Variants in TNR observed in about 807,000 individuals in gnomAD.
TNR encodes the protein tenascin R, also known as tenascin-R.
A neutral mutation model predicts 150.4 loss-of-function variants in TNR; 45 were observed. The observed-to-expected ratio is 0.30, with a 90% confidence interval of 0.24 to 0.38. TNR has a LOEUF of 0.38. Ranked by LOEUF, TNR falls within the 10% of genes least tolerant of loss-of-function variation. TNR has a pLI of 1.00. For missense variants in TNR, 1,544 were observed against 1,759.1 expected, an observed-to-expected ratio of 0.88 and a Z score of 2.19; for synonymous variants, 687 against 678.4, an observed-to-expected ratio of 1.01 and a Z score of -0.20.
chr1:175,702,277 A>G (rs2101927943), intron 1 of TNR, among the ~76,000 whole-genome samples: 1 of 152,298 alleles, frequency 6.6e-6, no homozygotes, highest in Middle Eastern at 3.4e-3. Flanking sequence ...GCAGCTTCTC[A>G]GCTCTGCCCC....
chr1:175,510,522 C>T (rs1242694286), intron 2 of TNR, among the ~76,000 whole-genome samples: 1 of 152,148 alleles, frequency 6.6e-6, no homozygotes, highest in African/African-American at 2.4e-5. Context: ...TATCCCTCTT[C>T]CAGGATGGAG....
At chr1:175,562,073 T>C (rs1471484874) in intron 1 of TNR, among the ~76,000 whole-genome samples, 1 of 152,188 alleles carries the variant, frequency 6.6e-6, no homozygotes, top group East Asian at 1.9e-4. Flanking sequence ...CTTAATATAT[T>C]GTAAATCTCC....
At chr1:175,470,285 A>C (rs1004853432) in intron 2 of TNR, among the ~76,000 whole-genome samples, 2 of 152,130 alleles carry the variant, frequency 1.3e-5, no homozygotes, top group Non-Finnish European at 1.5e-5. Context: ...TAAAGTGAAA[A>C]GAAAAGAAGG....
intron 9 of TNR, among the ~76,000 whole-genome samples, chr1:175,378,946 G>A (rs1341307783): frequency 6.6e-6 from 1 of 152,208 alleles, no homozygotes; most frequent in East Asian, 1.9e-4. Flanking sequence ...TTGAGAAGCC[G>A]AGGTGGGCGG....
chr1:175,323,912 T>C (rs1321315085), intron 22 of TNR, among the ~76,000 whole-genome samples: 2 of 152,208 alleles, frequency 1.3e-5, no homozygotes, highest in Non-Finnish European at 2.9e-5. Context: ...TGATGTGGGC[T>C]GTTTCAGTGT....
At chr1:175,424,032 T>C (rs1225047484) in intron 2 of TNR, among the ~76,000 whole-genome samples, 1 of 152,258 alleles carries the variant, frequency 6.6e-6, no homozygotes, top group Admixed American at 6.5e-5. Context: ...AGAAAATCTA[T>C]ACATATTTAT....
At chr1:175,685,770 T>G (rs1194107098) in intron 1 of TNR, among the ~76,000 whole-genome samples, 1 of 152,136 alleles carries the variant, frequency 6.6e-6, no homozygotes, top group Non-Finnish European at 1.5e-5. Flanking sequence ...AACATCTCCC[T>G]CTGCAAAATC....
intron 1 of TNR, among the ~76,000 whole-genome samples, chr1:175,654,719 C>CTTTTTTTTTTTT (rs36087120): frequency 5.4e-5 from 4 of 74,730 alleles, no homozygotes; most frequent in Non-Finnish European, 7.3e-5. Context: ...AAGTTCCCTT[C>CTTTTTTTTTTTT]TTTTTTTTTT....
chr1:175,601,374 G>A (rs1663229245), intron 1 of TNR, among the ~76,000 whole-genome samples: 2 of 152,186 alleles, frequency 1.3e-5, no homozygotes, highest in South Asian at 4.1e-4. Flanking sequence ...ATATATGTTT[G>A]CATGTCTTTG....
At chr1:175,457,960 T>C (rs1656638062) in intron 2 of TNR, among the ~76,000 whole-genome samples, 1 of 152,232 alleles carries the variant, frequency 6.6e-6, no homozygotes, top group Admixed American at 6.5e-5. Context: ...TCTGTCTGAA[T>C]AGAAAGTGAG....
intron 2 of TNR, among the ~76,000 whole-genome samples, chr1:175,445,143 A>G (rs1436637357): frequency 6.6e-6 from 1 of 152,090 alleles, no homozygotes; most frequent in Non-Finnish European, 1.5e-5. Context: ...GGTGGCAGGC[A>G]CCTGTAGTCC....
chr1:175,458,731 C>T (rs1306261902), intron 2 of TNR, among the ~76,000 whole-genome samples: 1 of 152,220 alleles, frequency 6.6e-6, no homozygotes, highest in Non-Finnish European at 1.5e-5. Flanking sequence ...AACAGTTTTA[C>T]AGAGGTCTGA....
In TNR at chr1:175,315,737, T is replaced by G. The variant is rs1044304662; in HGVS notation, c.*7620A>C. ...GCATCCCCATGGGCCTGGGGAGTAT[T>G]CGAGGTTGGAATCATTAGATGTGTG... On this transcript the variant is annotated 3_prime_UTR_variant, in exon 23 of 23. Coordinates refer to ENST00000367674, the MANE Select transcript of TNR (RefSeq NM_003285.3). 1 of 152,318 alleles carries G rather than the reference T, an allele frequency of 6.6e-6. No individual in the cohort carries two copies. Among genetic ancestry groups the G allele is most frequent in the Non-Finnish European group, 1.5e-5 (1 of 68,110 alleles). 9.4% of individuals were successfully genotyped at this position (152,318 alleles called of 1,614,324 possible).
At chr1:175,381,482 T>C (rs1180353590) in intron 8 of TNR, among the ~76,000 whole-genome samples, 1 of 152,188 alleles carries the variant, frequency 6.6e-6, no homozygotes, top group Non-Finnish European at 1.5e-5. Flanking sequence ...ATACCTCCAA[T>C]GTCAATGATC....
chr1:175,451,143 C>T (rs1418379434), intron 2 of TNR, among the ~76,000 whole-genome samples: 1 of 151,702 alleles, frequency 6.6e-6, no homozygotes, highest in Non-Finnish European at 1.5e-5. Context: ...AATTGCCTGC[C>T]TTTGCACTTG....
chr1:175,655,392 T>C (rs144401268), intron 1 of TNR, among the ~76,000 whole-genome samples: 48 of 152,340 alleles, frequency 3.2e-4, no homozygotes, highest in Non-Finnish European at 6.0e-4. Context: ...AATAAGCCTA[T>C]AGGCAGGCAG....
At chr1:175,639,430 G>A (rs1214592294) in intron 1 of TNR, among the ~76,000 whole-genome samples, 12 of 152,110 alleles carry the variant, frequency 7.9e-5, no homozygotes, top group Admixed American at 1.3e-4. Context: ...AATCCACCAC[G>A]GCGTGCTGAG....
At chr1:175,363,046 G>A (rs1300314649) in intron 13 of TNR, among the ~76,000 whole-genome samples, 2 of 152,198 alleles carry the variant, frequency 1.3e-5, no homozygotes, top group Non-Finnish European at 2.9e-5. Context: ...CTATTAAGTG[G>A]TTTTCTAACA....
intron 15 of TNR, among the ~76,000 whole-genome samples, chr1:175,358,497 C>T (rs187914737): frequency 6.6e-6 from 1 of 152,274 alleles, no homozygotes; most frequent in Admixed American, 6.5e-5. Flanking sequence ...TTTTACCTTC[C>T]TAAGCTTTGA....
Sources: gnomAD v4.1 joint callset for allele counts (sites outside exome capture counted in the v4.1 genomes callset) on GRCh38, gnomAD v4.1.1 for gene constraint, MANE v1.5 for transcripts, NCBI Gene and HGNC (gene_info 2026-07-23, HGNC 2026-07-21) for gene names.